The following PARD3 variants were observed in gnomAD, a reference collection of about 807,000 sequenced individuals.
PARD3 encodes the protein par-3 family cell polarity regulator.
In PARD3, 75 loss-of-function variants were observed where a neutral mutation model predicts 155.4. The observed-to-expected ratio is 0.48, with a 90% CI of 0.40 to 0.58. The LOEUF is 0.58. Among genes scored for constraint, PARD3 ranks in the 20% least tolerant of loss-of-function variants. PARD3 has a pLI of 0.00. For synonymous variants in PARD3, 576 were observed against 610.5 expected (o/e 0.94, Z 0.83); for missense variants, 1,642 against 1,721.7 (o/e 0.95, Z 0.82).
At chr10:34,271,133 T>C (rs1036330428) in intron 21 of PARD3, among the ~76,000 whole-genome samples, 11 of 152,168 alleles carry the variant, frequency 7.2e-5, no homozygotes, top group African/African-American at 2.4e-4. Context: ...GCAGTTATTC[T>C]TTTCATGTTT....
intron 3 of PARD3, among the ~76,000 whole-genome samples, chr10:34,506,190 T>C (rs1274996164): frequency 1.3e-5 from 2 of 152,066 alleles, no homozygotes; most frequent in South Asian, 2.1e-4. Context: ...ACTGCAAAGA[T>C]GCTTGGGCCC....
intron 3 of PARD3, among the ~76,000 whole-genome samples, chr10:34,470,780 A>G (rs375933095): frequency 1.5e-4 from 23 of 152,218 alleles, no homozygotes; most frequent in African/African-American, 4.1e-4. Flanking sequence ...AATTTCACCT[A>G]CCTTTTAATC....
intron 2 of PARD3, among the ~76,000 whole-genome samples, chr10:34,517,394 A>G (rs1283425835): frequency 6.6e-6 from 1 of 152,244 alleles, no homozygotes; most frequent in Non-Finnish European, 1.5e-5. Flanking sequence ...GTGAAAAAAT[A>G]ATAAAATTGT....
At chr10:34,381,759 C>T (rs562791592) in intron 9 of PARD3, among the ~76,000 whole-genome samples, 22 of 151,568 alleles carry the variant, frequency 1.5e-4, no homozygotes, top group African/African-American at 4.8e-4. Flanking sequence ...TGGCAAGACT[C>T]CAACACAACA....
At chr10:34,511,463 G>C (rs1325748511) in intron 3 of PARD3, among the ~76,000 whole-genome samples, 1 of 152,142 alleles carries the variant, frequency 6.6e-6, no homozygotes, top group Admixed American at 6.5e-5. Flanking sequence ...CAAGATCAAG[G>C]GGCTGGCATC....
chr10:34,484,081 CAGCAAAA>C (rs1412413842), intron 3 of PARD3, among the ~76,000 whole-genome samples: 5 of 152,094 alleles, frequency 3.3e-5, no homozygotes, highest in Non-Finnish European at 7.4e-5. Context: ...GCAAAATCAC[CAGCAAAA>C]AGCACGAAAA....
chr10:34,719,273 A>G (rs1004863218), intron 1 of PARD3, among the ~76,000 whole-genome samples: 4 of 152,240 alleles, frequency 2.6e-5, no homozygotes, highest in Non-Finnish European at 5.9e-5. Context: ...ACCAACAGAA[A>G]CATCAAATGT....
chr10:34,344,254 G>GT (rs1224063491), intron 15 of PARD3: 7 of 968,844 alleles, frequency 7.2e-6, no homozygotes, highest in African/African-American at 1.8e-5. Context: ...CCTGTTGCTG[G>GT]TTTTTTTGTT....
rs73259218 is a variant in PARD3, at chr10:34,380,383, A to C, written c.1399+2157T>G. On this transcript the variant is annotated intron_variant, in intron 9 of 24. Coordinates refer to ENST00000374788, the MANE Select transcript of PARD3 (RefSeq NM_001184785.2). ...CCATTGTTTCTCCTTTCAGTGATTA[A>C]GCATAGTCTTTCTAAATTAGCTTGT... Among the ~76,000 whole-genome samples, 549 of 152,252 alleles carry C rather than the reference A, an allele frequency of 3.6e-3. 1 individual carries two copies. Among genetic ancestry groups the C allele is most frequent in the African/African-American group, 0.012 (519 of 41,572 alleles).
At chr10:34,786,866 G>A (rs768660545) in intron 1 of PARD3, among the ~76,000 whole-genome samples, 6 of 152,094 alleles carry the variant, frequency 3.9e-5, no homozygotes, top group Non-Finnish European at 7.3e-5. Context: ...AAAATGGCAT[G>A]CAGAGTTCAA....
intron 12 of PARD3, among the ~76,000 whole-genome samples, chr10:34,369,724 T>C (rs17472956): frequency 0.067 from 10,271 of 152,256 alleles, 465 homozygotes; most frequent in Non-Finnish European, 0.096. Flanking sequence ...TGATATACCA[T>C]GGTTTGCTCC....
At chr10:34,807,339 T>C (rs1843536043) in intron 1 of PARD3, among the ~76,000 whole-genome samples, 1 of 152,242 alleles carries the variant, frequency 6.6e-6, no homozygotes, top group Non-Finnish European at 1.5e-5. Context: ...AAATGGAGCG[T>C]TGTTCATAGT....
At chr10:34,184,696 C>CG (rs1554804497) in intron 22 of PARD3, among the ~76,000 whole-genome samples, 1 of 87,092 alleles carries the variant, frequency 1.1e-5, no homozygotes, top group East Asian at 5.0e-4. Context: ...CCAGGCCTTT[C>CG]GGTTTTTTTT....
chr10:34,806,851 C>G (rs1350664410), intron 1 of PARD3, among the ~76,000 whole-genome samples: 1 of 152,096 alleles, frequency 6.6e-6, no homozygotes, highest in Admixed American at 6.5e-5. Flanking sequence ...AGCAGGAGTC[C>G]CTGCACAGCT....
intron 1 of PARD3, among the ~76,000 whole-genome samples, chr10:34,750,691 ATT>A (rs10643701): frequency 6.3e-5 from 9 of 143,698 alleles, no homozygotes; most frequent in African/African-American, 1.0e-4. Context: ...TGACATAACA[ATT>A]TTTTTTTTTT....
intron 1 of PARD3, among the ~76,000 whole-genome samples, chr10:34,717,846 C>A (rs1470530085): frequency 2.0e-5 from 3 of 152,146 alleles, no homozygotes; most frequent in African/African-American, 7.2e-5. Flanking sequence ...AACCCCTGTT[C>A]TACAACACTT....
At chr10:34,706,011 T>C (rs974220225) in intron 1 of PARD3, among the ~76,000 whole-genome samples, 2 of 152,184 alleles carry the variant, frequency 1.3e-5, no homozygotes, top group Non-Finnish European at 2.9e-5. Context: ...ATGACTTTCA[T>C]GCCAACACAA....
At chr10:34,521,089 G>A (rs1257260231) in intron 2 of PARD3, among the ~76,000 whole-genome samples, 1 of 152,128 alleles carries the variant, frequency 6.6e-6, no homozygotes, top group African/African-American at 2.4e-5. Flanking sequence ...ACTGAAAATG[G>A]AGATTGAAAA....
chr10:34,584,106 G>A (rs147360086), intron 2 of PARD3, among the ~76,000 whole-genome samples: 2 of 152,220 alleles, frequency 1.3e-5, no homozygotes, highest in African/African-American at 2.4e-5. Flanking sequence ...TCAAGCTATT[G>A]TTTTCCCAAC....
Sources: allele counts gnomAD v4.1 joint callset (sites outside exome capture counted in the v4.1 genomes callset), GRCh38; gene constraint gnomAD v4.1.1; transcripts MANE v1.5; gene names NCBI Gene and HGNC (gene_info 2026-07-23, HGNC 2026-07-21).